Variants in SERINC1 observed in about 807,000 individuals in gnomAD.
The protein encoded by SERINC1 is tumor differentially expressed protein 2.
SERINC1 carries 38 observed loss-of-function variants against 52.9 expected under a neutral mutation model. The ratio of observed to expected loss-of-function variants is 0.72; its 90% CI spans 0.55 to 0.94. SERINC1 has a LOEUF of 0.94. Among genes scored for constraint, SERINC1 ranks in the 40% least tolerant of loss-of-function variants. The pLI, the probability that SERINC1 is intolerant of heterozygous loss-of-function variation, is 0.00. For synonymous variants in SERINC1, 198 were observed against 183.1 expected (o/e 1.08, Z -0.66); for missense variants, 471 against 533.9 (o/e 0.88, Z 1.16).
chr6:122,455,560 G>A (rs1212879294), intron 3 of SERINC1, among the ~76,000 whole-genome samples: 1 of 152,012 alleles, frequency 6.6e-6, no homozygotes, highest in Admixed American at 6.6e-5. Flanking sequence ...CCTATTGTGG[G>A]ACCTTGAGAT....
intron 1 of SERINC1, among the ~76,000 whole-genome samples, chr6:122,470,497 T>C (rs1022125415): frequency 3.3e-5 from 5 of 152,126 alleles, no homozygotes; most frequent in Non-Finnish European, 7.4e-5. Context: ...CAATTATCAG[T>C]TTTCAAAACT....
chr6:122,460,305 C>A (rs1775079188), intron 1 of SERINC1, among the ~76,000 whole-genome samples: 1 of 152,086 alleles, frequency 6.6e-6, no homozygotes, highest in Non-Finnish European at 1.5e-5. Context: ...GGTCTCCTGA[C>A]CTCAGGTGAT....
intron 3 of SERINC1, among the ~76,000 whole-genome samples, chr6:122,455,431 A>G (rs1200641393): frequency 1.3e-5 from 2 of 151,730 alleles, no homozygotes; most frequent in East Asian, 3.9e-4. Flanking sequence ...AGACTGGCCT[A>G]GCATCCCAGC....
intron 1 of SERINC1, among the ~76,000 whole-genome samples, chr6:122,470,454 A>G (rs986427389): frequency 1.4e-4 from 22 of 152,200 alleles, no homozygotes; most frequent in African/African-American, 5.3e-4. Flanking sequence ...ATCTTCCAAT[A>G]AAAAACCGAT....
At chr6:122,452,996 G>C (rs929930858) in intron 5 of SERINC1, among the ~76,000 whole-genome samples, 2 of 152,070 alleles carry the variant, frequency 1.3e-5, no homozygotes, top group Non-Finnish European at 2.9e-5. Flanking sequence ...CCAGATTTAT[G>C]ACTTCTTTTG....
At chr6:122,447,890 C>T (rs1276309183) in intron 7 of SERINC1, among the ~76,000 whole-genome samples, 11 of 151,990 alleles carry the variant, frequency 7.2e-5, no homozygotes, top group African/African-American at 2.4e-4. Flanking sequence ...CCGAGGCGGG[C>T]GGATCACAAG....
chr6:122,455,049 C>T (rs1168624241), intron 3 of SERINC1, among the ~76,000 whole-genome samples: 1 of 152,006 alleles, frequency 6.6e-6, no homozygotes, highest in Non-Finnish European at 1.5e-5. Context: ...GGGACTGGTG[C>T]GTTTTCAGTT....
chr6:122,448,618 GTAATT>G (rs1774849697), intron 7 of SERINC1, among the ~76,000 whole-genome samples: 2 of 152,078 alleles, frequency 1.3e-5, no homozygotes, highest in South Asian at 4.1e-4. Context: ...GGCTAAAAGA[GTAATT>G]TAATAATGTG....
intron 1 of SERINC1, among the ~76,000 whole-genome samples, chr6:122,464,736 T>C (rs1775158446): frequency 6.6e-6 from 1 of 152,132 alleles, no homozygotes; most frequent in South Asian, 2.1e-4. Flanking sequence ...AATTAGGAGA[T>C]GACATTAAAA....
intron 2 of SERINC1, 139 bp downstream of exon 2, chr6:122,458,381 A>G (rs1035822544): frequency 5.8e-6 from 3 of 518,460 alleles, no homozygotes; most frequent in Non-Finnish European, 6.6e-6. Flanking sequence ...CTTTTTCCTA[A>G]AAGATTATGA....
chr6:122,468,125 CT>C (rs1235901931), intron 1 of SERINC1, among the ~76,000 whole-genome samples: 2 of 152,082 alleles, frequency 1.3e-5, no homozygotes, highest in Non-Finnish European at 2.9e-5. Context: ...AACCTGGGAA[CT>C]AGGGGAATGG....
Position 122,445,077 on chromosome 6 carries a change from T to C in SERINC1, c.1329A>G (p.Ala443=). ...AATCACGATTTGTAAGAACAAGTGG[T>C]GCCACGAGTGTCCAAACATACAGCA... ...GIVLYVWTLV[A]PLVLTNRDFD The change falls in exon 10 of 10, where the codon GCA becomes GCG. Residue 443 remains alanine, a synonymous_variant. Transcript: ENST00000339697. 1 of 1,614,032 alleles carries C rather than the reference T, an allele frequency of 6.2e-7. No individual in the cohort carries two copies. The highest frequency in any genetic ancestry group is 8.5e-7 in the Non-Finnish European group (1 of 1,179,918).
intron 2 of SERINC1, among the ~76,000 whole-genome samples, chr6:122,457,265 A>C (rs1190325641): frequency 6.6e-6 from 1 of 152,110 alleles, no homozygotes; most frequent in Non-Finnish European, 1.5e-5. Flanking sequence ...TAGGATCAGA[A>C]TCAGGTTTTC....
rs1351586415 is a variant in SERINC1, at chr6:122,444,350, C to T, written c.*694G>A. The T allele has an allele frequency of 6.6e-6, 1 of 152,252 alleles. No homozygotes were observed. Among genetic ancestry groups the T allele is most frequent in the Non-Finnish European group, 1.5e-5 (1 of 68,070 alleles). The allele number at this position is 152,252 out of a possible 1,614,324, so 9.4% of individuals were successfully genotyped here. ...TAACCCATGATTATCCTTTTCAAAA[C>T]CTTGTCTAAATCCTTCAGAGTTCCA... On this transcript the variant is annotated 3_prime_UTR_variant, in exon 10 of 10. Coordinates refer to ENST00000339697, the MANE Select transcript of SERINC1 (RefSeq NM_020755.4).
At chr6:122,449,639 A>C (rs1272298444) in intron 7 of SERINC1, among the ~76,000 whole-genome samples, 1 of 152,254 alleles carries the variant, frequency 6.6e-6, no homozygotes, top group African/African-American at 2.4e-5. Flanking sequence ...TCTCCGTAAC[A>C]TAAAAGTATA....
rs41292580 is a variant in SERINC1 at position 122,444,015 on chromosome 6, T to G, written c.*1029A>C. ...CCTTTGATTTTCAATATATATATAT[T>G]TTTTTGTCTTACTCTGTTGCCCAGG... On this transcript the variant is annotated 3_prime_UTR_variant, in exon 10 of 10. Coordinates refer to ENST00000339697, the MANE Select transcript of SERINC1 (RefSeq NM_020755.4). The G allele has an allele frequency of 6.6e-6, 1 of 151,892 alleles. No homozygotes were observed. Among genetic ancestry groups the G allele is most frequent in the African/African-American group, 2.4e-5 (1 of 41,282 alleles). The allele number at this position is 151,892 out of a possible 1,614,324, so 9.4% of individuals were successfully genotyped here.
chr6:122,446,938 T>C lies in SERINC1; in HGVS notation c.1062A>G (p.Ile354Met). 6.2e-7 allele frequency: 1 copy of C among 1,613,718 alleles called. No homozygotes were observed. Among genetic ancestry groups the C allele is most frequent in the Non-Finnish European group, 8.5e-7 (1 of 1,179,600 alleles). The part of the protein sequence containing the change: ...LTLTSDESTL[I>M]EDGGARSDGS... ...CATCACTTCTAGCTCCACCATCTTC[T>C]ATTAATGTAGATTCATCACTTGTTA... The change falls in exon 9 of 10, where the codon ATA (isoleucine) becomes ATG (methionine). Residue 354 changes from isoleucine (I) to methionine (M), a missense_variant. Coordinates refer to ENST00000339697, the MANE Select transcript of SERINC1 (RefSeq NM_020755.4).
chr6:122,468,706 T>C (rs1775226383), intron 1 of SERINC1, among the ~76,000 whole-genome samples: 1 of 152,190 alleles, frequency 6.6e-6, no homozygotes. Flanking sequence ...TGGGGGGACA[T>C]TTTTATTTAA....
intron 2 of SERINC1, among the ~76,000 whole-genome samples, 153 bp downstream of exon 2, chr6:122,458,367 T>C (rs1775037676): frequency 6.6e-6 from 1 of 152,218 alleles, no homozygotes. Context: ...CTAATGTATA[T>C]TATCTTTTTC....
Sources: gnomAD v4.1 joint callset for allele counts (sites outside exome capture counted in the v4.1 genomes callset) on GRCh38, gnomAD v4.1.1 for gene constraint, MANE v1.5 for transcripts, NCBI Gene and HGNC (gene_info 2026-07-23, HGNC 2026-07-21) for gene names.